Variants in DLGAP2 observed in about 807,000 individuals in gnomAD.
The protein encoded by DLGAP2 is DLG associated protein 2.
DLGAP2 carries 26 observed loss-of-function variants against 100.3 expected under a neutral mutation model. The ratio of observed to expected loss-of-function variants is 0.26; its 90% confidence interval spans 0.19 to 0.36. The LOEUF (loss-of-function observed/expected upper bound fraction) is 0.36. DLGAP2 is among the 10% of genes least tolerant of loss of function. The pLI is 1.00. For synonymous variants in DLGAP2, 886 were observed against 630.1 expected (o/e 1.41, Z -6.08); for missense variants, 1,858 against 1,453.2 (o/e 1.28, Z -4.53).
At chr8:1,506,822 A>T (rs1411196405) in intron 4 of DLGAP2, among the ~76,000 whole-genome samples, 1 of 152,030 alleles carries the variant, frequency 6.6e-6, no homozygotes, top group Non-Finnish European at 1.5e-5. Context: ...CTAGACATAA[A>T]AGTTTTCCAA....
At chr8:873,846 G>T (rs1198884044) in intron 1 of DLGAP2, among the ~76,000 whole-genome samples, 1 of 152,132 alleles carries the variant, frequency 6.6e-6, no homozygotes, top group Non-Finnish European at 1.5e-5. Flanking sequence ...TGTCGTCTGG[G>T]CCTGAGCTTT....
chr8:1,624,502 G>A (rs1797439926), intron 6 of DLGAP2, among the ~76,000 whole-genome samples: 1 of 151,820 alleles, frequency 6.6e-6, no homozygotes, highest in South Asian at 2.1e-4. Context: ...TACAGAATGA[G>A]TCCACGCATC....
At chr8:1,295,759 G>A (rs572891988) in intron 3 of DLGAP2, among the ~76,000 whole-genome samples, 6 of 152,360 alleles carry the variant, frequency 3.9e-5, no homozygotes, top group Admixed American at 1.3e-4. Context: ...CAGGGGAGCT[G>A]TGGGGTGTGT....
intron 2 of DLGAP2, among the ~76,000 whole-genome samples, chr8:1,244,682 A>C (rs1798867597): frequency 6.6e-6 from 1 of 152,230 alleles, no homozygotes; most frequent in South Asian, 2.1e-4. Flanking sequence ...TAAAACCGCA[A>C]GGACGTGCAT....
intron 3 of DLGAP2, among the ~76,000 whole-genome samples, chr8:1,448,165 T>A (rs964317445): frequency 3.9e-5 from 6 of 152,216 alleles, no homozygotes; most frequent in Admixed American, 6.5e-5. Flanking sequence ...TCTAGTTGTT[T>A]TAATTGTGAC....
intron 3 of DLGAP2, among the ~76,000 whole-genome samples, chr8:1,277,457 T>C (rs543141234): frequency 6.6e-6 from 1 of 152,084 alleles, no homozygotes; most frequent in Non-Finnish European, 1.5e-5. Context: ...CTGTGATAGA[T>C]GTGTGGGGTC....
chr8:1,174,046 A>G (rs1236540915), intron 2 of DLGAP2, among the ~76,000 whole-genome samples: 1 of 152,118 alleles, frequency 6.6e-6, no homozygotes, highest in Non-Finnish European at 1.5e-5. Context: ...CCCATTGTTC[A>G]TGACACAGCT....
chr8:1,259,913 G>A (rs1471670978), intron 3 of DLGAP2: 1 of 152,246 alleles, frequency 6.6e-6, no homozygotes, highest in African/African-American at 2.4e-5. Context: ...GTGTCATTTA[G>A]TAGTCATGGA....
intron 2 of DLGAP2, among the ~76,000 whole-genome samples, chr8:1,148,619 G>T (rs11136350): frequency 0.37 from 56,900 of 151,870 alleles, 12,559 homozygotes; most frequent in Non-Finnish European, 0.5. Context: ...TTTAATAATT[G>T]AATGAGCTTC....
chr8:1,464,025 A>T (rs1798534874), intron 3 of DLGAP2, among the ~76,000 whole-genome samples: 1 of 152,198 alleles, frequency 6.6e-6, no homozygotes, highest in South Asian at 2.1e-4. Flanking sequence ...GTATCATGGG[A>T]AAAAAAGGGA....
chr8:1,568,630 A>T (rs1323383962), intron 6 of DLGAP2, among the ~76,000 whole-genome samples: 1 of 132,698 alleles, frequency 7.5e-6, no homozygotes, highest in Non-Finnish European at 1.6e-5. Context: ...GCAGACACAA[A>T]TCCGTCTCTG....
At chr8:1,588,119 T>C (rs1275818780) in intron 6 of DLGAP2, among the ~76,000 whole-genome samples, 1 of 152,220 alleles carries the variant, frequency 6.6e-6, no homozygotes, top group Non-Finnish European at 1.5e-5. Context: ...TCCTTAAATA[T>C]GAGTCACTCT....
At chr8:1,473,564 T>G (rs1366153804) in intron 3 of DLGAP2, among the ~76,000 whole-genome samples, 1 of 151,934 alleles carries the variant, frequency 6.6e-6, no homozygotes, top group African/African-American at 2.4e-5. Context: ...TGGGGAGGGG[T>G]TTAGCTGCAG....
intron 6 of DLGAP2, among the ~76,000 whole-genome samples, chr8:1,608,678 T>C (rs995946642): frequency 1.5e-5 from 2 of 135,134 alleles, no homozygotes; most frequent in African/African-American, 5.5e-5. Context: ...GAATAACCAA[T>C]ACAGAGAAGT....
chr8:917,800 C>T (rs796532532), intron 2 of DLGAP2, among the ~76,000 whole-genome samples: 7 of 152,110 alleles, frequency 4.6e-5, no homozygotes, highest in African/African-American at 1.2e-4. Context: ...AGGATGGTCT[C>T]AATCTCCTGA....
intron 13 of DLGAP2, among the ~76,000 whole-genome samples, chr8:1,693,230 G>A (rs1799300017): frequency 6.8e-6 from 1 of 147,508 alleles, no homozygotes; most frequent in Non-Finnish European, 1.5e-5. Flanking sequence ...CAAATATACA[G>A]TATATATAAA....
At chr8:795,759 T>C (rs79325847) in intron 1 of DLGAP2, among the ~76,000 whole-genome samples, 1 of 95,140 alleles carries the variant, frequency 1.1e-5, no homozygotes, top group Non-Finnish European at 2.1e-5. Flanking sequence ...AGGCGTCCAG[T>C]GAGAGCAGGC....
chr8:1,493,176 C>T (rs904170911), intron 3 of DLGAP2, among the ~76,000 whole-genome samples: 3 of 152,210 alleles, frequency 2.0e-5, no homozygotes, highest in East Asian at 3.9e-4. Flanking sequence ...AGGCAGTGCC[C>T]TAGGAACCCA....
chr8:827,980 A>C (rs975394427), intron 1 of DLGAP2, among the ~76,000 whole-genome samples: 3 of 152,196 alleles, frequency 2.0e-5, no homozygotes, highest in Non-Finnish European at 4.4e-5. Flanking sequence ...AGCCACAAAA[A>C]CCAGCAAGTC....
Sources: allele counts gnomAD v4.1 joint callset (sites outside exome capture counted in the v4.1 genomes callset), GRCh38; gene constraint gnomAD v4.1.1; transcripts MANE v1.5; gene names NCBI Gene and HGNC (gene_info 2026-07-23, HGNC 2026-07-21).